TGM7: variants seen among roughly 807,000 people sequenced by gnomAD.
The protein encoded by TGM7 is protein-glutamine gamma-glutamyltransferase Z.
TGM7 carries 74 observed loss-of-function variants against 79.5 expected under a neutral mutation model. The ratio of observed to expected loss-of-function variants is 0.93; its 90% confidence interval spans 0.77 to 1.13. The LOEUF (loss-of-function observed/expected upper bound fraction) is 1.13. Ranked by LOEUF, TGM7 falls within the 50% of genes most tolerant of loss-of-function variation. The pLI is 0.00. For synonymous variants in TGM7, 354 were observed against 362.5 expected (o/e 0.98, Z 0.27); for missense variants, 912 against 905.9 (o/e 1.01, Z -0.09).
At chr15:43,298,944 A>G (rs1000526789) in intron 1 of TGM7, among the ~76,000 whole-genome samples, 1 of 152,066 alleles carries the variant, frequency 6.6e-6, no homozygotes, top group African/African-American at 2.4e-5. Context: ...GATTCCTCTT[A>G]TCTGATGATT....
intron 4 of TGM7, among the ~76,000 whole-genome samples, chr15:43,289,072 T>TA (rs1399001118): frequency 6.6e-5 from 10 of 152,152 alleles, no homozygotes; most frequent in African/African-American, 2.4e-4. Flanking sequence ...CTTTTTTTTT[T>TA]TTATTCTACT....
chr15:43,300,492 G>A (rs542959759), intron 1 of TGM7, among the ~76,000 whole-genome samples: 1 of 152,248 alleles, frequency 6.6e-6, no homozygotes, highest in South Asian at 2.1e-4. Flanking sequence ...TGAATATTGT[G>A]CTTTCTTCAA....
At chr15:43,291,378 T>A (rs117663498) in intron 4 of TGM7, among the ~76,000 whole-genome samples, 1,562 of 152,360 alleles carry the variant, frequency 0.01, 75 homozygotes, top group Admixed American at 0.086. Context: ...TTGATTTGCA[T>A]GTGTTGAAGC....
At position 43,301,352 on chromosome 15, in the gene TGM7, G is replaced by A. The variant is rs149458218; in HGVS notation, c.10+889C>T. On this transcript the variant is annotated intron_variant, in intron 1 of 12. Transcript: ENST00000452443. ...ACATTATTTTAAGACATACATGGCCGCGTGTGGTGGCTCATGCCTGTAATC... is the reference window on the plus strand; with the variant it reads ...ACATTATTTTAAGACATACATGGCCACGTGTGGTGGCTCATGCCTGTAATC... Among the ~76,000 whole-genome samples, 12 of 151,680 alleles carry A rather than the reference G, an allele frequency of 7.9e-5. No individual in the cohort carries two copies. In the East Asian group the frequency reaches 1.8e-3, roughly 23 times the overall value.
At chr15:43,292,407 C>T (rs1416441737) in intron 3 of TGM7, among the ~76,000 whole-genome samples, 1 of 152,308 alleles carries the variant, frequency 6.6e-6, no homozygotes, top group South Asian at 2.1e-4. Flanking sequence ...AAACTGCTCA[C>T]TCCCACTACT....
chr15:43,285,554 C>T (rs1213592459), intron 6 of TGM7, among the ~76,000 whole-genome samples: 2 of 152,072 alleles, frequency 1.3e-5, no homozygotes, highest in African/African-American at 4.8e-5. Context: ...TATTTCATCA[C>T]CCTCCTCCCA....
chr15:43,293,413 C>G (rs1264739669), intron 2 of TGM7, 36 bp downstream of exon 2: 5 of 1,545,848 alleles, frequency 3.2e-6, no homozygotes, highest in Non-Finnish European at 3.5e-6. Context: ...CTCATTTTGA[C>G]GGAACCTGCG....
chr15:43,294,528 C>G (rs1040260418), intron 1 of TGM7, among the ~76,000 whole-genome samples: 3 of 152,222 alleles, frequency 2.0e-5, no homozygotes, highest in Non-Finnish European at 4.4e-5. Flanking sequence ...ATGGAAGGAC[C>G]TTGGCGTTGT....
chr15:43,297,439 C>T (rs970494508), intron 1 of TGM7, among the ~76,000 whole-genome samples: 2 of 144,816 alleles, frequency 1.4e-5, no homozygotes, highest in East Asian at 2.0e-4. Flanking sequence ...GGCAACAGAG[C>T]GAGACCCTGT....
intron 1 of TGM7, among the ~76,000 whole-genome samples, chr15:43,298,224 G>A (rs2043009873): frequency 6.6e-6 from 1 of 152,182 alleles, no homozygotes; most frequent in South Asian, 2.1e-4. Flanking sequence ...GACATTTGCT[G>A]AATGGATAGA....
chr15:43,299,538 A>G (rs1463947251), intron 1 of TGM7, among the ~76,000 whole-genome samples: 1 of 152,206 alleles, frequency 6.6e-6, no homozygotes, highest in Non-Finnish European at 1.5e-5. Context: ...TCAACTGCCA[A>G]CAAAGTCCCA....
chr15:43,279,695 C>A lies in TGM7; in HGVS notation c.1608G>T (p.Leu536=), dbSNP rs772214213. The change falls in exon 10 of 13, where the codon CTG becomes CTT. Residue 536 remains leucine (L), a synonymous_variant. Coordinates refer to ENST00000452443, the MANE Select transcript of TGM7 (RefSeq NM_052955.3). The part of the protein sequence containing the change: ...GLVVRFCAQA[L]LHGGGTQKPF... ...GCTTCTGGGTACCACCCCCATGCAGCAGGGCCTGTGCACAGAAGCGCACCA... is the reference window on the plus strand; with the variant it reads ...GCTTCTGGGTACCACCCCCATGCAGAAGGGCCTGTGCACAGAAGCGCACCA... The A allele has an allele frequency of 6.2e-7, 1 of 1,613,844 alleles. No homozygotes were observed. Among genetic ancestry groups the A allele is most frequent in the Admixed American group, 1.7e-5 (1 of 60,004 alleles).
chr15:43,299,685 TTCTG>T (rs1320424234), intron 1 of TGM7, among the ~76,000 whole-genome samples: 3 of 152,254 alleles, frequency 2.0e-5, no homozygotes, highest in African/African-American at 7.2e-5. Context: ...CCTTCCATTC[TTCTG>T]TCTTTGTTTT....
intron 1 of TGM7, among the ~76,000 whole-genome samples, chr15:43,298,885 G>A (rs2043013122): frequency 6.6e-6 from 1 of 151,926 alleles, no homozygotes; most frequent in South Asian, 2.1e-4. Context: ...GCATAAAAAT[G>A]TTCAGTGCAA....
rs756796048 is a variant in TGM7 at position 43,279,934 on chromosome 15, C to T, written c.1369G>A (p.Ala457Thr). The T allele has an allele frequency of 6.2e-6, 10 of 1,613,942 alleles. No homozygotes were observed. The highest frequency in any genetic ancestry group is 7.6e-6 in the Non-Finnish European group (9 of 1,179,968). The part of the protein sequence containing the change: ...KYPEGSPEER[A>T]VFMKASRKML... ...TTCCGAGAAGCCTTCATGAAGACAG[C>T]TCTCTCCTCAGGGGATCCTGCAGAA... is the stretch of plus-strand genomic sequence containing the variant. Residue 457 changes from alanine to threonine, a missense_variant, in exon 10 of 13, where the codon GCT becomes ACT. Physicochemically the swap from Ala to Thr is moderately conservative, Grantham distance 58. Coordinates refer to ENST00000452443, the MANE Select transcript of TGM7 (RefSeq NM_052955.3).
chr15:43,280,027 G>T, intron 9 of TGM7, 76 bp from the exon 10 acceptor site: 1 of 1,408,748 alleles, frequency 7.1e-7, no homozygotes, highest in Non-Finnish European at 9.8e-7. Flanking sequence ...GGGCAACAAG[G>T]CACAGGAATA....
rs2042893538 is a variant in TGM7 at position 43,279,238 on chromosome 15, C to T, written c.1718G>A (p.Arg573Lys). The change falls in exon 11 of 13, where the codon AGA (arginine) becomes AAA (lysine). Residue 573 changes from arginine (R) to lysine (K), a missense_variant. By Grantham distance (26) the Arg-to-Lys change is conservative. Transcript: ENST00000452443. ...WPLLLPYSNY[R>K]NKLTDEKLIR... ...GAGCTTTTCGTCCGTTAGCTTGTTT[C>T]TGTAATTGCTGTAGGGCAGGAGGAG... is the stretch of plus-strand genomic sequence containing the variant. The T allele has an allele frequency of 6.2e-7, 1 of 1,614,022 alleles. No homozygotes were observed. The highest frequency in any genetic ancestry group is 8.5e-7 in the Non-Finnish European group (1 of 1,180,024).
intron 1 of TGM7, among the ~76,000 whole-genome samples, chr15:43,295,681 T>G (rs2042988718): frequency 6.6e-6 from 1 of 152,252 alleles, no homozygotes; most frequent in African/African-American, 2.4e-5. Flanking sequence ...AAGTCAATGT[T>G]AATTTCCTTC....
intron 1 of TGM7, chr15:43,301,986 G>A (rs2043027580): frequency 1.8e-6 from 1 of 555,776 alleles, no homozygotes; most frequent in Non-Finnish European, 3.2e-6. Flanking sequence ...GACTTCCCAA[G>A]GCCATTTCAG....
Sources: allele counts gnomAD v4.1 joint callset (sites outside exome capture counted in the v4.1 genomes callset), GRCh38; gene constraint gnomAD v4.1.1; transcripts MANE v1.5; gene names NCBI Gene and HGNC (gene_info 2026-07-23, HGNC 2026-07-21).